Variants in SRL observed in about 807,000 individuals in gnomAD.
SRL encodes sarcalumenin.
Under a neutral mutation model 39.5 loss-of-function variants are expected in SRL, and 23 were observed. The ratio of observed to expected loss-of-function variants is 0.58; its 90% confidence interval spans 0.42 to 0.82. SRL has a LOEUF of 0.82. Ranked by LOEUF, SRL falls within the 40% of genes least tolerant of loss-of-function variation. The pLI is 0.00. For missense variants in SRL, 592 were observed against 607.8 expected (o/e 0.97, Z 0.27); for synonymous variants, 272 against 237.4 (o/e 1.15, Z -1.34).
intron 1 of SRL, among the ~76,000 whole-genome samples, chr16:4,228,531 C>G (rs180900127): frequency 0.018 from 2,784 of 152,052 alleles, 78 homozygotes; most frequent in African/African-American, 0.059. Context: ...GTCAGGAGAT[C>G]GAGACCATCC....
chr16:4,212,993 A>C (rs2052412435), intron 1 of SRL, among the ~76,000 whole-genome samples: 1 of 152,212 alleles, frequency 6.6e-6, no homozygotes, highest in Non-Finnish European at 1.5e-5. Context: ...TCGTGAGTCC[A>C]ACTGTAAAGG....
rs775834609 is a variant in SRL, at chr16:4,192,973, G to A, written c.611-9C>T. 1.9e-6 allele frequency: 3 copies of A among 1,599,312 alleles called. No individual in the cohort carries two copies. The highest frequency in any genetic ancestry group is 8.5e-7 in the Non-Finnish European group (1 of 1,173,610). Reference sequence around the variant, plus strand: ...GTCGTTGAAGGGGTAGCCTTTGGGAGACAGAAGTGAGAAGTCAAACTGAGT... The same window carrying A: ...GTCGTTGAAGGGGTAGCCTTTGGGAAACAGAAGTGAGAAGTCAAACTGAGT... On this transcript the variant is annotated splice_polypyrimidine_tract_variant and intron_variant, in intron 5 of 5. Transcript: ENST00000399609. This position sits in a 1 kb window ranked among gnomAD's most constrained non-coding sequence, Gnocchi z 4.0.
chr16:4,193,299 C>G (rs557356332), intron 5 of SRL, among the ~76,000 whole-genome samples: 35 of 152,140 alleles, frequency 2.3e-4, no homozygotes, highest in Non-Finnish European at 4.3e-4. Context: ...TCCCAAAGTG[C>G]TGGGGTAATA....
intron 1 of SRL, among the ~76,000 whole-genome samples, chr16:4,238,083 C>G (rs774324794): frequency 6.6e-6 from 1 of 152,206 alleles, no homozygotes; most frequent in Non-Finnish European, 1.5e-5. Context: ...GATGGGTTCA[C>G]GAATGATGGA....
intron 1 of SRL, among the ~76,000 whole-genome samples, chr16:4,229,534 A>G (rs1167019139): frequency 6.6e-6 from 1 of 152,122 alleles, no homozygotes; most frequent in Non-Finnish European, 1.5e-5. Context: ...CAGAAACAAA[A>G]AACCAGAGAC....
At chr16:4,224,617 G>A (rs1174733597) in intron 1 of SRL, among the ~76,000 whole-genome samples, 1 of 152,032 alleles carries the variant, frequency 6.6e-6, no homozygotes, top group Non-Finnish European at 1.5e-5. Flanking sequence ...AGGCTGAGGC[G>A]GGAGGATGGC....
At chr16:4,205,371 T>A (rs1567178388) in intron 1 of SRL, among the ~76,000 whole-genome samples, 1 of 152,104 alleles carries the variant, frequency 6.6e-6, no homozygotes, top group Non-Finnish European at 1.5e-5. Flanking sequence ...GAGAATGCCT[T>A]TTGGCTTGAA....
intron 1 of SRL, among the ~76,000 whole-genome samples, chr16:4,235,982 G>T (rs899654669): frequency 2.0e-5 from 3 of 152,078 alleles, no homozygotes; most frequent in Admixed American, 2.0e-4. Context: ...GGCTGAGGTG[G>T]GAGGATTGCT....
chr16:4,204,976 A>G (rs7197130), intron 1 of SRL, among the ~76,000 whole-genome samples: 31,287 of 152,108 alleles, frequency 0.21, 3,261 homozygotes, highest in African/African-American at 0.22. Context: ...AAACAGGCAC[A>G]ACTCCTTAGG....
intron 1 of SRL, among the ~76,000 whole-genome samples, chr16:4,212,087 G>T (rs2052400760): frequency 6.6e-6 from 1 of 152,166 alleles, no homozygotes; most frequent in Non-Finnish European, 1.5e-5. Context: ...ACTGCTGTGT[G>T]TTTCCACTCC....
chr16:4,212,766 C>A (rs1304901335), intron 1 of SRL, among the ~76,000 whole-genome samples: 1 of 152,082 alleles, frequency 6.6e-6, no homozygotes, highest in East Asian at 1.9e-4. Context: ...ACACAACAAT[C>A]CTGCTTCTCC....
At chr16:4,203,390 GC>G in intron 2 of SRL, 129 bp from the exon 3 acceptor site, 2 of 690,452 alleles carry the variant, frequency 2.9e-6, no homozygotes, top group Non-Finnish European at 2.6e-6. Flanking sequence ...GCTGTTTGCA[GC>G]CCAGCGACTG....
At chr16:4,236,895 C>T (rs2052719505) in intron 1 of SRL, among the ~76,000 whole-genome samples, 1 of 152,006 alleles carries the variant, frequency 6.6e-6, no homozygotes, top group Non-Finnish European at 1.5e-5. Flanking sequence ...TGCCCTCAGC[C>T]TCCCAAAGTG....
chr16:4,192,832 G>C lies in SRL; in HGVS notation c.743C>G (p.Ser248Cys). 6.2e-7 allele frequency: 1 copy of C among 1,614,214 alleles called. No homozygotes were observed. The highest frequency in any genetic ancestry group is 1.3e-5 in the African/African-American group (1 of 75,044). Residue 248 changes from serine to cysteine, a missense_variant, in exon 6 of 6, where the codon TCC (serine) becomes TGC (cysteine). Coordinates refer to ENST00000399609, the MANE Select transcript of SRL (RefSeq NM_001098814.2). The surrounding 1 kb of genome is among the most constrained non-coding windows in gnomAD (Gnocchi z 4.0). Reference sequence around the variant, plus strand: ...CTTGTTCAGGATGATCCTTATCTGGGATTCACGCCCCTTCAACTGGCGGAA... The same window carrying C: ...CTTGTTCAGGATGATCCTTATCTGGCATTCACGCCCCTTCAACTGGCGGAA... ...MLFRQLKGRE[S>C]QIRIILNKAD...
At position 4,195,553 on chromosome 16, in the gene SRL, CTCTT is replaced by C; in HGVS notation, c.606_609del (p.Arg203AlafsTer31). ...TGTTCAGAAATGAGGGCTAAATTAC[CTCTT>C]TCTTGCTGCTTGCGGTTCTCGATGA... On this transcript the variant is annotated frameshift_variant and splice_region_variant, in exon 5 of 6. Transcript: ENST00000399609. LOFTEE classifies it high-confidence loss of function. The C allele has an allele frequency of 6.2e-7, 1 of 1,613,976 alleles. No homozygotes were observed. Among genetic ancestry groups the C allele is most frequent in the Admixed American group, 1.7e-5 (1 of 60,004 alleles).
chr16:4,234,461 AG>A (rs1224870206), intron 1 of SRL, among the ~76,000 whole-genome samples: 2 of 152,144 alleles, frequency 1.3e-5, no homozygotes, highest in Admixed American at 6.5e-5. Flanking sequence ...TCCCCAAGGT[AG>A]GGGGGCAGCT....
At chr16:4,217,254 CTTT>C (rs1272652857) in intron 1 of SRL, among the ~76,000 whole-genome samples, 2 of 152,066 alleles carry the variant, frequency 1.3e-5, no homozygotes, top group Non-Finnish European at 2.9e-5. Context: ...GCCCCTTACT[CTTT>C]TTCTTTTTTT....
chr16:4,228,022 T>G (rs1279208084), intron 1 of SRL, among the ~76,000 whole-genome samples: 1 of 152,056 alleles, frequency 6.6e-6, no homozygotes. Context: ...GCCAGGTGTG[T>G]GGGGACAGTG....
rs568805643 is a variant in SRL, at chr16:4,196,538, G to C, written c.377-752C>G. On this transcript the variant is annotated intron_variant, in intron 4 of 5. Transcript: ENST00000399609. ...ACTCTATCGCCCAGGCTGGAGTGCA[G>C]TGGCATGATCTCAGCTCACTGCAAC... is the stretch of plus-strand genomic sequence containing the variant. Among the ~76,000 whole-genome samples the C allele has an allele frequency of 4.8e-5, 7 of 146,112 alleles. No homozygotes were observed. The East Asian group carries it at 1.5e-3, about 31-fold the overall frequency.
Sources: allele counts gnomAD v4.1 joint callset (sites outside exome capture counted in the v4.1 genomes callset), GRCh38; gene constraint gnomAD v4.1.1; non-coding constraint Gnocchi (gnomAD v3.1); transcripts MANE v1.5; gene names NCBI Gene and HGNC (gene_info 2026-07-23, HGNC 2026-07-21).